The following GRID2 variants were observed in gnomAD, a reference collection of about 807,000 sequenced individuals.
GRID2 encodes glutamate receptor ionotropic, delta-2.
GRID2 carries 33 observed loss-of-function variants against 114.8 expected under a neutral mutation model. That is an observed-to-expected ratio of 0.29 (90% CI 0.22 to 0.38). GRID2 has a LOEUF of 0.38. Among genes scored for constraint, GRID2 ranks in the 10% least tolerant of loss-of-function variants. The probability of loss-of-function intolerance (pLI) is 1.00; values close to 1 mark genes in which losing one functional copy is unlikely to be tolerated. For missense variants in GRID2, 1,184 were observed against 1,257.7 expected, an observed-to-expected ratio of 0.94 and a Z score of 0.89; for synonymous variants, 505 against 449.9, an observed-to-expected ratio of 1.12 and a Z score of -1.55.
At chr4:93,665,765 C>A (rs1723896865) in intron 14 of GRID2, among the ~76,000 whole-genome samples, 1 of 152,114 alleles carries the variant, frequency 6.6e-6, no homozygotes, top group Admixed American at 6.6e-5. Flanking sequence ...TACATTTGTT[C>A]TACCTAACAC....
chr4:93,129,580 C>T (rs527371807), intron 4 of GRID2, among the ~76,000 whole-genome samples: 42 of 152,266 alleles, frequency 2.8e-4, no homozygotes, highest in African/African-American at 9.9e-4. Flanking sequence ...CCAGGGCCTA[C>T]TTAATACAGT....
chr4:93,282,821 G>A (rs969319831), intron 8 of GRID2, among the ~76,000 whole-genome samples: 7 of 151,904 alleles, frequency 4.6e-5, no homozygotes, highest in African/African-American at 1.7e-4. Flanking sequence ...TTTGGTGAGG[G>A]GCTCAGGAAG....
intron 2 of GRID2, among the ~76,000 whole-genome samples, chr4:92,980,002 A>C (rs2149185784): frequency 6.6e-6 from 1 of 152,172 alleles, no homozygotes; most frequent in East Asian, 1.9e-4. Flanking sequence ...GTCTAGCAGG[A>C]GTCTTTTTAT....
At chr4:92,623,418 A>G (rs1730372156) in intron 2 of GRID2, among the ~76,000 whole-genome samples, 1 of 151,648 alleles carries the variant, frequency 6.6e-6, no homozygotes, top group Non-Finnish European at 1.5e-5. Flanking sequence ...CTGGCTAATA[A>G]AAGTGATTCA....
chr4:92,338,277 C>T (rs547268776), intron 1 of GRID2, among the ~76,000 whole-genome samples: 10 of 152,006 alleles, frequency 6.6e-5, no homozygotes, highest in Non-Finnish European at 8.8e-5. Context: ...ATTATAAAGA[C>T]GGATTGTACC....
intron 8 of GRID2, among the ~76,000 whole-genome samples, chr4:93,270,298 G>A (rs1278038378): frequency 2.6e-5 from 4 of 150,994 alleles, no homozygotes; most frequent in African/African-American, 9.8e-5. Flanking sequence ...GTAAAAGGGT[G>A]GCAAATGAAA....
intron 4 of GRID2, among the ~76,000 whole-genome samples, chr4:93,146,707 A>C (rs115052691): frequency 0.45 from 68,090 of 151,842 alleles, 16,102 homozygotes; most frequent in African/African-American, 0.57. Context: ...TGATTTAAAA[A>C]AAAAAAAATC....
intron 2 of GRID2, among the ~76,000 whole-genome samples, chr4:92,683,328 A>C (rs1733742729): frequency 6.6e-6 from 1 of 152,104 alleles, no homozygotes; most frequent in Non-Finnish European, 1.5e-5. Context: ...TAATAGTATA[A>C]ATTTTGTATG....
At chr4:92,803,415 A>C (rs561064701) in intron 2 of GRID2, among the ~76,000 whole-genome samples, 3 of 152,118 alleles carry the variant, frequency 2.0e-5, no homozygotes, top group East Asian at 3.9e-4. Context: ...ATTCAATGTT[A>C]AATATAACAA....
intron 2 of GRID2, among the ~76,000 whole-genome samples, chr4:92,737,031 A>G (rs1736632008): frequency 6.6e-6 from 1 of 152,086 alleles, no homozygotes; most frequent in South Asian, 2.1e-4. Context: ...CATATTTTTA[A>G]TTAAAAACAT....
At chr4:92,316,106 A>G (rs1471917013) in intron 1 of GRID2, among the ~76,000 whole-genome samples, 1 of 151,990 alleles carries the variant, frequency 6.6e-6, no homozygotes, top group Non-Finnish European at 1.5e-5. Context: ...AATCTCTGCA[A>G]TCTGACAACC....
chr4:93,354,413 A>G (rs560038920), intron 8 of GRID2, among the ~76,000 whole-genome samples: 88 of 152,172 alleles, frequency 5.8e-4, no homozygotes, highest in African/African-American at 1.9e-3. Flanking sequence ...GTCAAGCTAC[A>G]GAAAGGACTA....
intron 12 of GRID2, among the ~76,000 whole-genome samples, chr4:93,511,922 C>G (rs1400735167): frequency 6.6e-6 from 1 of 151,956 alleles, no homozygotes; most frequent in Non-Finnish European, 1.5e-5. Context: ...TCTGGGATTA[C>G]AGGTGCATGC....
chr4:93,507,220 A>G (rs754511624), intron 12 of GRID2, among the ~76,000 whole-genome samples: 3 of 152,128 alleles, frequency 2.0e-5, no homozygotes, highest in African/African-American at 4.8e-5. Flanking sequence ...ATCCCACCGT[A>G]TACTCTTGAT....
At chr4:93,411,891 G>C (rs1479568987) in intron 9 of GRID2, among the ~76,000 whole-genome samples, 1 of 149,382 alleles carries the variant, frequency 6.7e-6, no homozygotes, top group Non-Finnish European at 1.5e-5. Context: ...CCTGAACTAT[G>C]TTGAAATGCA....
chr4:93,537,577 C>G (rs962217430), intron 13 of GRID2, among the ~76,000 whole-genome samples: 1 of 151,670 alleles, frequency 6.6e-6, no homozygotes, highest in African/African-American at 2.4e-5. Context: ...TTCTCATTAT[C>G]CCTTTGGTTC....
intron 2 of GRID2, among the ~76,000 whole-genome samples, chr4:92,692,716 C>T (rs1362320670): frequency 6.6e-6 from 1 of 151,954 alleles, no homozygotes; most frequent in East Asian, 1.9e-4. Flanking sequence ...GACTGTGTGG[C>T]CAAGCATATA....
At chr4:93,455,516 A>G in intron 10 of GRID2, 146 bp from the exon 11 acceptor site, 1 of 610,964 alleles carries the variant, frequency 1.6e-6, no homozygotes. Flanking sequence ...CTCTTCTGTA[A>G]GAAGTCTATG....
At chr4:93,215,993 A>C (rs906549544) in intron 5 of GRID2, among the ~76,000 whole-genome samples, 10 of 152,118 alleles carry the variant, frequency 6.6e-5, no homozygotes, top group African/African-American at 2.4e-4. Context: ...CCTTAAAACT[A>C]AAATTTATTT....
Sources: gnomAD v4.1 joint callset for allele counts (sites outside exome capture counted in the v4.1 genomes callset) on GRCh38, gnomAD v4.1.1 for gene constraint, MANE v1.5 for transcripts, NCBI Gene and HGNC (gene_info 2026-07-23, HGNC 2026-07-21) for gene names.